PXK: variants seen among roughly 807,000 people sequenced by gnomAD.
PXK encodes PX domain-containing protein kinase-like protein.
PXK carries 35 observed loss-of-function variants against 84.7 expected under a neutral mutation model. That is an observed-to-expected ratio of 0.41 (90% CI 0.32 to 0.55). PXK has a LOEUF of 0.55. PXK is among the 20% of genes least tolerant of loss of function. The pLI, the probability that PXK is intolerant of heterozygous loss-of-function variation, is 0.21. For missense variants in PXK, 634 were observed against 699.7 expected (o/e 0.91, Z 1.06); for synonymous variants, 253 against 260.8 (o/e 0.97, Z 0.29).
chr3:58,386,283 C>A (rs1378367951), intron 4 of PXK, among the ~76,000 whole-genome samples: 1 of 111,944 alleles, frequency 8.9e-6, no homozygotes, highest in Non-Finnish European at 1.9e-5. Context: ...CACATATATC[C>A]CCCTTACTTT....
Position 58,390,014 on chromosome 3 carries a change from A to AC in PXK, c.389-568_389-567insC, listed in dbSNP as rs1321381701. ...AACTCCGTCTCAAAAAAAAAAAAAA[A>AC]AAAAAAAAAACAATTTAGCCAGGCG... On this transcript the variant is annotated intron_variant, in intron 4 of 17. Coordinates refer to ENST00000356151, the MANE Select transcript of PXK (RefSeq NM_017771.5). The surrounding 1 kb of genome is among the most constrained non-coding windows in gnomAD (Gnocchi z 4.2). Among the ~76,000 whole-genome samples the AC allele has an allele frequency of 1.3e-5, 2 of 150,784 alleles. No individual in the cohort carries two copies. The highest frequency in any genetic ancestry group is 3.0e-5 in the Non-Finnish European group (2 of 67,736).
chr3:58,405,972 AT>A (rs59301727), intron 13 of PXK, among the ~76,000 whole-genome samples: 4 of 151,264 alleles, frequency 2.6e-5, no homozygotes, highest in Non-Finnish European at 5.9e-5. Context: ...TTTTTTAAAT[AT>A]TTTTTTTTCT....
In PXK at chr3:58,421,707, A is replaced by G; in HGVS notation, c.1529-3045A>G. 1 of 985,374 alleles carries G rather than the reference A, an allele frequency of 1.0e-6. No homozygotes were observed. The allele number at this position is 985,374 out of a possible 1,614,324, so 61.0% of individuals were successfully genotyped here. On this transcript the variant is annotated intron_variant, in intron 17 of 17. Coordinates refer to ENST00000356151, the MANE Select transcript of PXK (RefSeq NM_017771.5). The surrounding 1 kb of genome is among the most constrained non-coding windows in gnomAD (Gnocchi z 5.5). ...TCCCTGCAGCATTCTCTGCCCTCTG[A>G]CAGGGCCTCTGCTGGACTGCCAGGT... is the stretch of plus-strand genomic sequence containing the variant.
intron 4 of PXK, among the ~76,000 whole-genome samples, chr3:58,389,201 A>G (rs1398320347): frequency 1.3e-5 from 2 of 152,100 alleles, no homozygotes; most frequent in African/African-American, 4.8e-5. Flanking sequence ...GCACTCGGAG[A>G]CTTTCCACAA....
chr3:58,358,118 A>G (rs1195159268), intron 1 of PXK, among the ~76,000 whole-genome samples: 2 of 152,226 alleles, frequency 1.3e-5, no homozygotes, highest in Non-Finnish European at 2.9e-5. Context: ...CAATGAACAT[A>G]TTATCACTTC....
intron 1 of PXK, among the ~76,000 whole-genome samples, chr3:58,359,933 A>G (rs2098152691): frequency 6.6e-6 from 1 of 152,210 alleles, no homozygotes; most frequent in African/African-American, 2.4e-5. Context: ...GAATTGCTGG[A>G]GGCCAGGAGT....
chr3:58,406,593 A>G (rs967642395), intron 13 of PXK, among the ~76,000 whole-genome samples: 2 of 152,210 alleles, frequency 1.3e-5, no homozygotes, highest in African/African-American at 4.8e-5. Flanking sequence ...GTGATAAAAA[A>G]TACAATATAA....
At chr3:58,373,851 C>T (rs980067393) in intron 3 of PXK, among the ~76,000 whole-genome samples, 3 of 151,962 alleles carry the variant, frequency 2.0e-5, no homozygotes, top group Non-Finnish European at 2.9e-5. Flanking sequence ...CGAGACCATC[C>T]TGGCTAACAT....
At position 58,390,700 on chromosome 3, in the gene PXK, A is replaced by C. The variant is rs1247000620; in HGVS notation, c.466+41A>C. On this transcript the variant is annotated intron_variant, in intron 5 of 17. Transcript: ENST00000356151. The surrounding 1 kb of genome is among the most constrained non-coding windows in gnomAD (Gnocchi z 4.2). The stretch of plus-strand genomic sequence containing the variant: ...GCTCATTCTGTTAAAAAGACAGATC[A>C]CAGAACTGGATCCTTAGTCATGCTT... 1.9e-6 allele frequency: 3 copies of C among 1,555,592 alleles called. No homozygotes were observed. The highest frequency in any genetic ancestry group is 1.4e-5 in the African/African-American group (1 of 73,638).
At chr3:58,349,067 A>C (rs114287431) in intron 1 of PXK, among the ~76,000 whole-genome samples, 4,774 of 152,096 alleles carry the variant, frequency 0.031, 262 homozygotes, top group African/African-American at 0.11. Flanking sequence ...GGCAGCAGAG[A>C]TACAGACATT....
chr3:58,386,351 T>A (rs140614825), intron 4 of PXK, among the ~76,000 whole-genome samples: 1 of 133,568 alleles, frequency 7.5e-6, no homozygotes, highest in Admixed American at 9.3e-5. Flanking sequence ...GCTGGAGTGC[T>A]GTAGCGTGGT....
intron 17 of PXK, chr3:58,422,204 G>T (rs2061995241): frequency 1.0e-6 from 1 of 985,308 alleles, no homozygotes; most frequent in Non-Finnish European, 1.2e-6. Context: ...GGCAGACTGA[G>T]TGAGACCGAG....
intron 3 of PXK, among the ~76,000 whole-genome samples, chr3:58,378,510 TTTTGTGTGTGTG>T (rs1464075845): frequency 1.8e-4 from 5 of 27,722 alleles, no homozygotes; most frequent in Admixed American, 4.2e-4. Context: ...TTTTTTTTTT[TTTTGTGTGTGTG>T]TGTGTGTGTG....
chr3:58,368,257 T>C (rs554295361), intron 2 of PXK, among the ~76,000 whole-genome samples: 20 of 152,168 alleles, frequency 1.3e-4, no homozygotes, highest in Non-Finnish European at 2.6e-4. Context: ...TTTTATGGCT[T>C]ACTTTGTGAG....
intron 12 of PXK, among the ~76,000 whole-genome samples, chr3:58,402,725 C>A (rs1470572502): frequency 2.6e-5 from 4 of 151,346 alleles, no homozygotes; most frequent in African/African-American, 4.9e-5. Context: ...GCCACTGCAC[C>A]CGGCCCATGC....
rs1179400819 is a variant in PXK at position 58,425,467 on chromosome 3, T to G, written c.*507T>G. 6.4e-6 allele frequency: 1 copy of G among 155,520 alleles called. No homozygotes were observed. Among genetic ancestry groups the G allele is most frequent in the African/African-American group, 2.4e-5 (1 of 41,474 alleles). The allele number at this position is 155,520 out of a possible 1,614,324, so 9.6% of individuals were successfully genotyped here. Reference sequence around the variant, plus strand: ...ACTATAGCCCAAAGCATAGTTACTTTGCTAAATCAGAAAGCAACTGAGTTC... The same window carrying G: ...ACTATAGCCCAAAGCATAGTTACTTGGCTAAATCAGAAAGCAACTGAGTTC... On this transcript the variant is annotated 3_prime_UTR_variant, in exon 18 of 18. Transcript: ENST00000356151.
intron 1 of PXK, among the ~76,000 whole-genome samples, chr3:58,336,087 T>C (rs1221654242): frequency 2.5e-5 from 3 of 120,474 alleles, no homozygotes; most frequent in East Asian, 5.1e-4. Flanking sequence ...TTTTTTTTTT[T>C]TTAATACCAA....
At chr3:58,338,964 T>A (rs2097676064) in intron 1 of PXK, among the ~76,000 whole-genome samples, 1 of 152,098 alleles carries the variant, frequency 6.6e-6, no homozygotes, top group African/African-American at 2.4e-5. Flanking sequence ...ATTACAGGCG[T>A]GAGCCACTGC....
At chr3:58,381,866 T>G (rs1020053168) in intron 3 of PXK, among the ~76,000 whole-genome samples, 7 of 152,098 alleles carry the variant, frequency 4.6e-5, no homozygotes, top group Non-Finnish European at 1.5e-5. Flanking sequence ...CGTGGCTGTC[T>G]TAGGGGAGCA....
Sources: gnomAD v4.1 joint callset for allele counts (sites outside exome capture counted in the v4.1 genomes callset) on GRCh38, gnomAD v4.1.1 for gene constraint, Gnocchi (gnomAD v3.1) non-coding constraint, MANE v1.5 for transcripts, NCBI Gene and HGNC (gene_info 2026-07-23, HGNC 2026-07-21) for gene names.